CLTCL1: variants seen among roughly 807,000 people sequenced by gnomAD.
The protein encoded by CLTCL1 is clathrin heavy chain 2.
A neutral mutation model predicts 190.0 loss-of-function variants in CLTCL1; 159 were observed. The observed-to-expected ratio is 0.84, with a 90% CI of 0.74 to 0.95. CLTCL1 has a LOEUF of 0.95. Ranked by LOEUF, CLTCL1 falls within the 40% of genes least tolerant of loss-of-function variation. The pLI is 0.00. For synonymous variants in CLTCL1, 752 were observed against 769.6 expected (o/e 0.98, Z 0.38); for missense variants, 1,878 against 2,033.4 (o/e 0.92, Z 1.47).
At chr22:19,252,824 C>T (rs781871124) in intron 3 of CLTCL1, among the ~76,000 whole-genome samples, 27 of 152,122 alleles carry the variant, frequency 1.8e-4, no homozygotes, top group Non-Finnish European at 3.1e-4. Context: ...GCCATCCTGG[C>T]TAACACGGAG....
intron 26 of CLTCL1, among the ~76,000 whole-genome samples, chr22:19,194,166 G>T (rs2084617028): frequency 6.6e-6 from 1 of 152,144 alleles, no homozygotes; most frequent in Non-Finnish European, 1.5e-5. Flanking sequence ...GATGCAGAGT[G>T]CTGATTGGTG....
intron 1 of CLTCL1, among the ~76,000 whole-genome samples, chr22:19,280,332 T>A (rs563637525): frequency 3.3e-5 from 5 of 152,006 alleles, no homozygotes; most frequent in South Asian, 4.2e-4. Context: ...ACTGAGAAAC[T>A]ACTGATTTTT....
In CLTCL1 at chr22:19,233,502, G is replaced by C; in HGVS notation, c.1288C>G (p.Leu430Val). Residue 430 changes from leucine to valine, a missense_variant, in exon 8 of 33, where the codon CTT becomes GTT. Leu to Val is a conservative substitution (Grantham distance 32). Transcript: ENST00000427926. ...ILLDQGQLNK[L>V]ESLELCHLVL... ...AGATGGCAAAGTTCTAAGGATTCAAGTTTATTGAGCTGACCCTGGTCGAGC... is the reference window on the plus strand; with the variant it reads ...AGATGGCAAAGTTCTAAGGATTCAACTTTATTGAGCTGACCCTGGTCGAGC... The C allele has an allele frequency of 6.2e-7, 1 of 1,613,982 alleles. No homozygotes were observed.
rs548648802 is a variant in CLTCL1 at position 19,281,374 on chromosome 22, C to T, written c.43-5544G>A. ...ATAACAATTTGAATGTACTTAATAT[C>T]GCTAAAATATACACCTAAAAATGGT... On this transcript the variant is annotated intron_variant, in intron 1 of 32. Coordinates refer to ENST00000427926, the MANE Select transcript of CLTCL1 (RefSeq NM_007098.4). Among the ~76,000 whole-genome samples the T allele has an allele frequency of 2.0e-5, 3 of 151,486 alleles. No individual in the cohort carries two copies. The East Asian group carries it at 5.8e-4, about 29-fold the overall frequency.
At chr22:19,194,214 A>C (rs2084619249) in intron 26 of CLTCL1, among the ~76,000 whole-genome samples, 1 of 152,176 alleles carries the variant, frequency 6.6e-6, no homozygotes, top group Non-Finnish European at 1.5e-5. Flanking sequence ...AATTTCTCCA[A>C]GTCCCCACCC....
intron 4 of CLTCL1, among the ~76,000 whole-genome samples, chr22:19,241,907 A>ATC (rs1555965543): frequency 1.3e-5 from 2 of 150,114 alleles, no homozygotes; most frequent in East Asian, 2.0e-4. Context: ...TTTCACAGTC[A>ATC]TCTCCCCAAG....
intron 2 of CLTCL1, among the ~76,000 whole-genome samples, chr22:19,259,176 G>A (rs1569233112): frequency 6.6e-6 from 1 of 152,128 alleles, no homozygotes; most frequent in Non-Finnish European, 1.5e-5. Context: ...CATGATCTTG[G>A]CTCACTGCCA....
At chr22:19,216,521 T>C (rs1224422094) in intron 18 of CLTCL1, among the ~76,000 whole-genome samples, 1 of 152,278 alleles carries the variant, frequency 6.6e-6, no homozygotes, top group Non-Finnish European at 1.5e-5. Context: ...CCAGGCATTT[T>C]GAAATGAATG....
At chr22:19,267,028 A>C (rs1395146813) in intron 2 of CLTCL1, among the ~76,000 whole-genome samples, 1 of 152,208 alleles carries the variant, frequency 6.6e-6, no homozygotes, top group Non-Finnish European at 1.5e-5. Context: ...TCTGGATTAG[A>C]AAGGAAGATG....
At chr22:19,225,318 A>G in intron 13 of CLTCL1, 135 bp downstream of exon 13, 1 of 847,300 alleles carries the variant, frequency 1.2e-6, no homozygotes, top group South Asian at 1.9e-5. Context: ...CCACCGACTG[A>G]GCACCCAAGG....
At chr22:19,190,596 CAAAAAA>C (rs55780206) in intron 27 of CLTCL1, among the ~76,000 whole-genome samples, 2 of 72,816 alleles carry the variant, frequency 2.7e-5, no homozygotes, top group African/African-American at 1.1e-4. Flanking sequence ...AAGACTGTCT[CAAAAAA>C]AAAAAAAAAA....
chr22:19,212,287 T>G (rs1353022827), intron 19 of CLTCL1, among the ~76,000 whole-genome samples: 3 of 151,570 alleles, frequency 2.0e-5, no homozygotes, highest in Non-Finnish European at 4.4e-5. Flanking sequence ...AGCCCAGGTA[T>G]AGTGGCTGAC....
Position 19,198,946 on chromosome 22 carries a change from G to A in CLTCL1, c.3873+788C>T, listed in dbSNP as rs1555937420. ...GATCACCCTCCCTGTTGGCTTTCCAGTTCATTTCTCAGGCGCCTCTCTGGG... is the reference window on the plus strand; with the variant it reads ...GATCACCCTCCCTGTTGGCTTTCCAATTCATTTCTCAGGCGCCTCTCTGGG... On this transcript the variant is annotated intron_variant, in intron 24 of 32. Coordinates refer to ENST00000427926, the MANE Select transcript of CLTCL1 (RefSeq NM_007098.4). This position sits in a 1 kb window ranked among gnomAD's most constrained non-coding sequence, Gnocchi z 4.1. Among the ~76,000 whole-genome samples the A allele has an allele frequency of 6.6e-6, 1 of 152,106 alleles. No homozygotes were observed. Among genetic ancestry groups the A allele is most frequent in the East Asian group, 1.9e-4 (1 of 5,184 alleles).
In CLTCL1 at chr22:19,225,492, C is replaced by T. The variant is rs868974923; in HGVS notation, c.2089G>A (p.Ala697Thr). ...SKYHEQLGTQALVELFESFKS... is the reference protein window; with the variant it reads ...SKYHEQLGTQTLVELFESFKS... ...AAGGATTCAAAGAGCTCCACCAGGG[C>T]CTGCGTGCCCAGCTGCTCGTGGTAC... The change falls in exon 13 of 33, where the codon GCC becomes ACC. Residue 697 changes from alanine (A) to threonine (T), a missense_variant. Coordinates refer to ENST00000427926, the MANE Select transcript of CLTCL1 (RefSeq NM_007098.4). The T allele has an allele frequency of 1.9e-6, 3 of 1,587,584 alleles. No individual in the cohort carries two copies. The highest frequency in any genetic ancestry group is 1.3e-5 in the African/African-American group (1 of 74,394).
At chr22:19,270,216 G>A (rs1446911023) in intron 2 of CLTCL1, among the ~76,000 whole-genome samples, 3 of 152,202 alleles carry the variant, frequency 2.0e-5, no homozygotes, top group Non-Finnish European at 2.9e-5. Context: ...GAAGCCAGAT[G>A]TAAAAGACTA....
rs1555954075 is a variant in CLTCL1, at chr22:19,223,925, C to T, written c.2258G>A (p.Cys753Tyr). 1 of 1,613,922 alleles carries T rather than the reference C, an allele frequency of 6.2e-7. No homozygotes were observed. Among genetic ancestry groups the T allele is most frequent in the Non-Finnish European group, 8.5e-7 (1 of 1,179,898 alleles). ...EVERICRESS[C>Y]YNPERVKNFL... ...GTTCTTCACACGCTCTGGGTTGTAG[C>T]AGCTGCTCTCTCGGCATATCCTCTC... The change falls in exon 14 of 33, where the codon TGC becomes TAC. Residue 753 changes from cysteine to tyrosine, a missense_variant. Coordinates refer to ENST00000427926, the MANE Select transcript of CLTCL1 (RefSeq NM_007098.4).
rs578152424 is a variant in CLTCL1 at position 19,204,708 on chromosome 22, C to T, written c.3601-3215G>A. Reference sequence around the variant, plus strand: ...CTTGTTACTGCCAATTTACAGGAAACGCAGGGAAAATGAGTTAAATGACAT... The same window carrying T: ...CTTGTTACTGCCAATTTACAGGAAATGCAGGGAAAATGAGTTAAATGACAT... On this transcript the variant is annotated intron_variant, in intron 22 of 32. Coordinates refer to ENST00000427926, the MANE Select transcript of CLTCL1 (RefSeq NM_007098.4). Among the ~76,000 whole-genome samples, 3 of 152,268 alleles carry T rather than the reference C, an allele frequency of 2.0e-5. No homozygotes were observed. The South Asian group carries it at 6.2e-4, about 32-fold the overall frequency.
chr22:19,180,115 G>C (rs2084079471), intron 32 of CLTCL1, 84 bp downstream of exon 32: 1 of 1,205,716 alleles, frequency 8.3e-7, no homozygotes, highest in African/African-American at 1.5e-5. Context: ...CAAGAGAGCA[G>C]GCATCCAGAG....
At chr22:19,211,688 ACC>A in intron 19 of CLTCL1, among the ~76,000 whole-genome samples, 1 of 150,142 alleles carries the variant, frequency 6.7e-6, no homozygotes, top group East Asian at 2.0e-4. Context: ...AATGGCACGA[ACC>A]CAGGAGGCAG....
Sources: allele counts gnomAD v4.1 joint callset (sites outside exome capture counted in the v4.1 genomes callset), GRCh38; gene constraint gnomAD v4.1.1; non-coding constraint Gnocchi (gnomAD v3.1); transcripts MANE v1.5; gene names NCBI Gene and HGNC (gene_info 2026-07-23, HGNC 2026-07-21).